ARF4: variants seen among roughly 807,000 people sequenced by gnomAD.
ARF4 encodes ARF GTPase 4, also known as ADP-ribosylation factor 4.
ARF4 carries 5 observed loss-of-function variants against 24.3 expected under a neutral mutation model. That is an observed-to-expected ratio of 0.21 (90% CI 0.11 to 0.43). The LOEUF (loss-of-function observed/expected upper bound fraction) is 0.43, where lower values mean the gene tolerates loss of function less well. Ranked by LOEUF, ARF4 falls within the 20% of genes least tolerant of loss-of-function variation. The probability of loss-of-function intolerance (pLI) is 1.00; values close to 1 mark genes in which losing one functional copy is unlikely to be tolerated. For missense variants in ARF4, 107 were observed against 213.0 expected (o/e 0.50, Z 3.10); for synonymous variants, 62 against 73.5 (o/e 0.84, Z 0.80).
At chr3:57,590,061 G>A (rs1487871350) in intron 1 of ARF4, among the ~76,000 whole-genome samples, 5 of 147,174 alleles carry the variant, frequency 3.4e-5, no homozygotes, top group Non-Finnish European at 7.6e-5. Context: ...CTGCACTCCA[G>A]CCTGGGCAAC....
chr3:57,588,247 G>A (rs1018745273), intron 1 of ARF4, among the ~76,000 whole-genome samples: 2 of 152,208 alleles, frequency 1.3e-5, no homozygotes, highest in Non-Finnish European at 2.9e-5. Flanking sequence ...TGACCAAAGT[G>A]TTACTATAGC....
chr3:57,579,671 C>T (rs1051519031), intron 3 of ARF4, among the ~76,000 whole-genome samples: 4 of 152,156 alleles, frequency 2.6e-5, no homozygotes, highest in South Asian at 2.1e-4. Flanking sequence ...ATTTTACATC[C>T]ATTAAATGAC....
At chr3:57,580,181 T>C (rs2069952751) in intron 3 of ARF4, among the ~76,000 whole-genome samples, 1 of 152,142 alleles carries the variant, frequency 6.6e-6, no homozygotes. Context: ...TCAAATCTTA[T>C]ACTACTTGTT....
chr3:57,573,124 C>T (rs2069860131), intron 5 of ARF4, among the ~76,000 whole-genome samples: 1 of 150,988 alleles, frequency 6.6e-6, no homozygotes, highest in Non-Finnish European at 1.5e-5. Context: ...ATGGCATGAA[C>T]CCAGAAGGCA....
At chr3:57,593,153 A>C (rs543926276) in intron 1 of ARF4, among the ~76,000 whole-genome samples, 2 of 152,290 alleles carry the variant, frequency 1.3e-5, no homozygotes, top group East Asian at 3.9e-4. Context: ...ACAGTGAGCT[A>C]TGATCATGCC....
intron 5 of ARF4, among the ~76,000 whole-genome samples, chr3:57,574,684 G>A (rs2069881713): frequency 6.6e-6 from 1 of 152,038 alleles, no homozygotes; most frequent in African/African-American, 2.4e-5. Flanking sequence ...TGGGATTACG[G>A]GTGTGAGCCG....
chr3:57,574,980 G>T, intron 5 of ARF4, among the ~76,000 whole-genome samples: 1 of 152,036 alleles, frequency 6.6e-6, no homozygotes, highest in East Asian at 1.9e-4. Context: ...TTCCTGAGTA[G>T]CTGGGATTAC....
At chr3:57,575,305 CAAA>C (rs11294059) in intron 5 of ARF4, among the ~76,000 whole-genome samples, 20 of 134,968 alleles carry the variant, frequency 1.5e-4, no homozygotes, top group Non-Finnish European at 2.4e-4. Context: ...CCTCTCCCTT[CAAA>C]AAAAAAAAAA....
At chr3:57,578,442 C>A (rs1424343255) in intron 3 of ARF4, among the ~76,000 whole-genome samples, 1 of 150,438 alleles carries the variant, frequency 6.6e-6, no homozygotes, top group East Asian at 1.9e-4. Context: ...GTAAGACATT[C>A]TTTAAAAAAA....
At chr3:57,572,915 T>C (rs1386051821) in intron 5 of ARF4, among the ~76,000 whole-genome samples, 2 of 151,444 alleles carry the variant, frequency 1.3e-5, no homozygotes, top group East Asian at 3.9e-4. Context: ...AGAGTAGGGT[T>C]TGTTAGGCCG....
At chr3:57,596,440 G>A (rs2070183664) in intron 1 of ARF4, among the ~76,000 whole-genome samples, 1 of 152,172 alleles carries the variant, frequency 6.6e-6, no homozygotes, top group Non-Finnish European at 1.5e-5. Context: ...TCAGTTTTCG[G>A]AGAATGAGAT....
intron 1 of ARF4, among the ~76,000 whole-genome samples, chr3:57,586,857 G>T: frequency 6.6e-6 from 1 of 152,114 alleles, no homozygotes; most frequent in East Asian, 1.9e-4. Context: ...GAAAGCATCA[G>T]ATTTTTAAGT....
intron 1 of ARF4, among the ~76,000 whole-genome samples, chr3:57,596,231 C>T (rs2070180897): frequency 6.6e-6 from 1 of 152,122 alleles, no homozygotes; most frequent in Non-Finnish European, 1.5e-5. Flanking sequence ...ATTGTAGTTA[C>T]TATTTAACAA....
At chr3:57,578,514 A>G (rs1055655125) in intron 3 of ARF4, among the ~76,000 whole-genome samples, 3 of 147,684 alleles carry the variant, frequency 2.0e-5, no homozygotes, top group Non-Finnish European at 4.5e-5. Flanking sequence ...ACAGGGTCTC[A>G]ACTCTGTTGC....
chr3:57,597,214 C>T lies in ARF4; in HGVS notation c.-74G>A, dbSNP rs2070201179. On this transcript the variant is annotated 5_prime_UTR_variant, in exon 1 of 6. Transcript: ENST00000303436. The stretch of plus-strand genomic sequence containing the variant: ...ACCCCGTGCTTTCTCCTTTCAAGCT[C>T]CCAGGCAAACTAAACGAGAGGGAAG... 2.6e-5 allele frequency: 36 copies of T among 1,405,402 alleles called. No individual in the cohort carries two copies. The highest frequency in any genetic ancestry group is 3.5e-5 in the Non-Finnish European group (35 of 1,002,506). The allele number at this position is 1,405,402 out of a possible 1,614,324, so 87.1% of individuals were successfully genotyped here. A position where few individuals can be genotyped will look rare whatever the true frequency, so the allele number is the denominator to read the frequency against.
In ARF4 at chr3:57,593,985, A is replaced by G. The variant is rs559679688; in HGVS notation, c.67+3089T>C. Reference sequence around the variant, plus strand: ...AAAATACAGAAGCTGGCTGGGTGTGATGGCTCATGCTTGTAATCCTAGCAC... The same window carrying G: ...AAAATACAGAAGCTGGCTGGGTGTGGTGGCTCATGCTTGTAATCCTAGCAC... On this transcript the variant is annotated intron_variant, in intron 1 of 5. Transcript: ENST00000303436. Among the ~76,000 whole-genome samples, 54 of 152,276 alleles carry G rather than the reference A, an allele frequency of 3.5e-4. No homozygotes were observed. The South Asian group carries it at 0.01, about 29-fold the overall frequency.
At chr3:57,587,220 G>A (rs2070049070) in intron 1 of ARF4, among the ~76,000 whole-genome samples, 2 of 151,336 alleles carry the variant, frequency 1.3e-5, no homozygotes, top group Non-Finnish European at 2.9e-5. Flanking sequence ...TCTGGAGGCT[G>A]AGGCAGGAGA....
chr3:57,596,773 G>A (rs1412182788), intron 1 of ARF4: 4 of 320,210 alleles, frequency 1.2e-5, no homozygotes, highest in African/African-American at 2.2e-5. Context: ...CCCAGAGTTG[G>A]CTTTCCCCAC....
At position 57,590,089 on chromosome 3, in the gene ARF4, CAATAAATAAATAAATAAATA is replaced by C. The variant is rs71088095; in HGVS notation, c.68-5645_68-5626del. Among the ~76,000 whole-genome samples the C allele has an allele frequency of 3.0e-5, 4 of 135,164 alleles. No individual in the cohort carries two copies. In the South Asian group the frequency reaches 7.3e-4, roughly 25 times the overall value. The allele number at this position is 135,164 out of a possible 152,430, so 88.7% of individuals were successfully genotyped here. ...TGGGCAACAGACCAAGACTCTGTCT[CAATAAATAAATAAATAAATA>C]AATAAATAAATAAATAAATAAATAA... On this transcript the variant is annotated intron_variant, in intron 1 of 5. Transcript: ENST00000303436.
Sources: allele counts gnomAD v4.1 joint callset (sites outside exome capture counted in the v4.1 genomes callset), GRCh38; gene constraint gnomAD v4.1.1; transcripts MANE v1.5; gene names NCBI Gene and HGNC (gene_info 2026-07-23, HGNC 2026-07-21).